ACOXL: variants seen among roughly 807,000 people sequenced by gnomAD.
ACOXL encodes acyl-CoA oxidase like.
Under a neutral mutation model 71.9 loss-of-function variants are expected in ACOXL, and 70 were observed. The ratio of observed to expected loss-of-function variants is 0.97; its 90% CI spans 0.80 to 1.19. The LOEUF (loss-of-function observed/expected upper bound fraction) is 1.19. Ranked by LOEUF, ACOXL falls within the 50% of genes most tolerant of loss-of-function variation. The probability of loss-of-function intolerance (pLI) is 0.00; values close to 1 mark genes in which losing one functional copy is unlikely to be tolerated. For synonymous variants in ACOXL, 253 were observed against 281.6 expected (o/e 0.90, Z 1.02); for missense variants, 703 against 736.3 (o/e 0.95, Z 0.52).
chr2:110,968,129 A>G (rs2062012241), intron 12 of ACOXL: 5 of 1,339,774 alleles, frequency 3.7e-6, no homozygotes, highest in Non-Finnish European at 5.3e-6. Context: ...GCTGCAGAGT[A>G]TTGTACTGGC....
intron 12 of ACOXL, among the ~76,000 whole-genome samples, chr2:110,952,371 CTA>C (rs1469225954): frequency 2.6e-5 from 4 of 152,122 alleles, no homozygotes; most frequent in Non-Finnish European, 5.9e-5. Context: ...GTCACTTGAT[CTA>C]TTTTGTATAT....
chr2:111,072,515 G>T (rs193294163), intron 16 of ACOXL, among the ~76,000 whole-genome samples: 2 of 152,338 alleles, frequency 1.3e-5, no homozygotes, highest in African/African-American at 4.8e-5. Context: ...GTTATGTCCA[G>T]TTTTTGACAA....
intron 9 of ACOXL, among the ~76,000 whole-genome samples, chr2:110,806,279 C>T (rs796108538): frequency 4.6e-4 from 70 of 152,356 alleles, no homozygotes; most frequent in African/African-American, 1.5e-3. Flanking sequence ...CATCAACACG[C>T]GTACGCGGCC....
intron 12 of ACOXL, among the ~76,000 whole-genome samples, chr2:110,974,667 T>G (rs771956771): frequency 6.6e-6 from 1 of 152,218 alleles, no homozygotes; most frequent in Non-Finnish European, 1.5e-5. Context: ...ATTAACTTGC[T>G]TAAAGACCAG....
chr2:111,011,891 AAAAAAAAAAAAAAAGG>A (rs1256557097), intron 14 of ACOXL, among the ~76,000 whole-genome samples: 2 of 151,290 alleles, frequency 1.3e-5, no homozygotes, highest in African/African-American at 2.4e-5. Flanking sequence ...TAAAAAAAAA[AAAAAAAAAAAAAAAGG>A]AGTGTATTAC....
intron 8 of ACOXL, among the ~76,000 whole-genome samples, chr2:110,804,475 G>A (rs1686385472): frequency 6.6e-6 from 1 of 152,160 alleles, no homozygotes; most frequent in Non-Finnish European, 1.5e-5. Flanking sequence ...AGGTATGTGT[G>A]AAAACGTTGT....
chr2:110,982,793 G>A (rs972856112), intron 12 of ACOXL, among the ~76,000 whole-genome samples: 7 of 152,136 alleles, frequency 4.6e-5, no homozygotes, highest in African/African-American at 1.7e-4. Context: ...CTTTTATCTG[G>A]CAGTCCTGTT....
chr2:110,936,735 C>G (rs2060677950), intron 12 of ACOXL, among the ~76,000 whole-genome samples: 1 of 152,174 alleles, frequency 6.6e-6, no homozygotes, highest in African/African-American at 2.4e-5. Flanking sequence ...GGCTGAGGTC[C>G]AGAAGGGTTC....
intron 12 of ACOXL, among the ~76,000 whole-genome samples, chr2:110,962,818 C>G (rs1287958854): frequency 1.3e-5 from 2 of 152,234 alleles, no homozygotes; most frequent in East Asian, 1.9e-4. Flanking sequence ...ACAGTCAGCT[C>G]TGACGTGACT....
At chr2:111,017,138 C>T (rs1048113052) in intron 14 of ACOXL, among the ~76,000 whole-genome samples, 4 of 152,212 alleles carry the variant, frequency 2.6e-5, no homozygotes, top group African/African-American at 9.6e-5. Flanking sequence ...CTTGAAGTTC[C>T]CCCCTGATTA....
chr2:111,079,466 T>C (rs1472479028), intron 16 of ACOXL, among the ~76,000 whole-genome samples: 1 of 152,222 alleles, frequency 6.6e-6, no homozygotes, highest in Non-Finnish European at 1.5e-5. Flanking sequence ...CTGGGGCTGC[T>C]TTCCCAAGTC....
chr2:111,096,647 C>T (rs893482961), intron 17 of ACOXL, among the ~76,000 whole-genome samples: 3 of 151,984 alleles, frequency 2.0e-5, no homozygotes, highest in Non-Finnish European at 2.9e-5. Context: ...CTAATAATTC[C>T]GATACCTTAA....
chr2:110,836,442 T>C (rs1227219750), intron 9 of ACOXL, among the ~76,000 whole-genome samples: 2 of 152,004 alleles, frequency 1.3e-5, no homozygotes, highest in Non-Finnish European at 2.9e-5. Context: ...TCCATGGCTC[T>C]CTTTGAGTGG....
chr2:110,866,941 A>G (rs895892933), intron 10 of ACOXL, among the ~76,000 whole-genome samples: 4 of 152,184 alleles, frequency 2.6e-5, no homozygotes, highest in African/African-American at 9.6e-5. Flanking sequence ...AGGTGCAGAA[A>G]GTGCTGCCCC....
At chr2:110,777,770 G>A (rs1374317244) in intron 2 of ACOXL, among the ~76,000 whole-genome samples, 1 of 152,206 alleles carries the variant, frequency 6.6e-6, no homozygotes, top group Admixed American at 6.5e-5. Context: ...GCTGCACAGA[G>A]CCCAGCACTG....
At chr2:110,908,227 A>G (rs1410438142) in intron 10 of ACOXL, among the ~76,000 whole-genome samples, 1 of 152,248 alleles carries the variant, frequency 6.6e-6, no homozygotes, top group East Asian at 1.9e-4. Flanking sequence ...TAGCAGCCTC[A>G]GAGTGCAACG....
chr2:111,049,291 A>G lies in ACOXL; in HGVS notation c.1440+3A>G, dbSNP rs2066166882. 1 of 1,601,776 alleles carries G rather than the reference A, an allele frequency of 6.2e-7. No individual in the cohort carries two copies. On this transcript the variant is annotated splice_donor_region_variant and intron_variant, in intron 16 of 17. Coordinates refer to ENST00000439055, the MANE Select transcript of ACOXL (RefSeq NM_001142807.4). ...AGGACCAGACTTTGTTAATGAAGGT[A>G]GGTTATCAGATAAAGAACTTATTTC... is the stretch of plus-strand genomic sequence containing the variant.
At chr2:111,077,729 A>G (rs2067671649) in intron 16 of ACOXL, among the ~76,000 whole-genome samples, 1 of 152,202 alleles carries the variant, frequency 6.6e-6, no homozygotes, top group South Asian at 2.1e-4. Context: ...TACTTTCAGT[A>G]CTTGAAAAAT....
At chr2:110,820,911 A>T (rs909308797) in intron 9 of ACOXL, among the ~76,000 whole-genome samples, 1 of 151,980 alleles carries the variant, frequency 6.6e-6, no homozygotes, top group Admixed American at 6.6e-5. Context: ...AGGGAGGGAG[A>T]CTGGGATTGG....
Sources: allele counts gnomAD v4.1 joint callset (sites outside exome capture counted in the v4.1 genomes callset), GRCh38; gene constraint gnomAD v4.1.1; transcripts MANE v1.5; gene names NCBI Gene and HGNC (gene_info 2026-07-23, HGNC 2026-07-21).